The following ACSS3 variants were observed in gnomAD, a reference collection of about 807,000 sequenced individuals.
ACSS3 encodes the protein acyl-CoA synthetase short chain family member 3.
In ACSS3, 64 loss-of-function variants were observed where a neutral mutation model predicts 84.2. The observed-to-expected ratio is 0.76, with a 90% CI of 0.62 to 0.94. The LOEUF is 0.94. Ranked by LOEUF, ACSS3 falls within the 40% of genes least tolerant of loss-of-function variation. The probability of loss-of-function intolerance (pLI) is 0.00; values close to 1 mark genes in which losing one functional copy is unlikely to be tolerated. For missense variants in ACSS3, 815 were observed against 867.6 expected (o/e 0.94, Z 0.76); for synonymous variants, 317 against 310.1 (o/e 1.02, Z -0.23).
chr12:81,186,286 G>C (rs569853207), intron 8 of ACSS3, among the ~76,000 whole-genome samples: 53 of 151,774 alleles, frequency 3.5e-4, no homozygotes, highest in African/African-American at 1.2e-3. Context: ...AATGTTTCTG[G>C]CTGTTGGACT....
At chr12:81,091,067 A>G (rs755312406) in intron 1 of ACSS3, among the ~76,000 whole-genome samples, 1 of 152,036 alleles carries the variant, frequency 6.6e-6, no homozygotes, top group Non-Finnish European at 1.5e-5. Context: ...GTTATTTAAA[A>G]TTAATTTTTC....
rs1284491083 is a variant in ACSS3 at position 81,258,370 on chromosome 12, C to T, written c.*3448C>T. On this transcript the variant is annotated 3_prime_UTR_variant, in exon 16 of 16. Coordinates refer to ENST00000548058, the MANE Select transcript of ACSS3 (RefSeq NM_024560.4). ...TAGACATCAAAACAAATGTAATGTA[C>T]GTGCAAACATAGCAAATTAAAATAC... The T allele has an allele frequency of 6.6e-6, 1 of 151,966 alleles. No homozygotes were observed. Among genetic ancestry groups the T allele is most frequent in the African/African-American group, 2.4e-5 (1 of 41,380 alleles). 9.4% of individuals were successfully genotyped at this position (151,966 alleles called of 1,614,324 possible).
intron 1 of ACSS3, among the ~76,000 whole-genome samples, chr12:81,108,712 T>G (rs1167489198): frequency 6.6e-6 from 1 of 152,224 alleles, no homozygotes; most frequent in African/African-American, 2.4e-5. Context: ...TTTTATTTAC[T>G]TCAATATATT....
Position 81,151,872 on chromosome 12 carries a change from C to T in ACSS3, c.950C>T (p.Ala317Val), listed in dbSNP as rs777672507. The T allele has an allele frequency of 6.2e-7, 1 of 1,613,808 alleles. No individual in the cohort carries two copies. The highest frequency in any genetic ancestry group is 1.1e-5 in the South Asian group (1 of 91,010). ...GTGATTAGGCCCACTGGGGGATACG[C>T]TGTCATGCTACACTGGTCAATGTCT... Reference protein sequence around the residue: ...KGVIRPTGGYAVMLHWSMSSI... With the variant: ...KGVIRPTGGYVVMLHWSMSSI... Residue 317 changes from alanine to valine, a missense_variant, in exon 6 of 16, where the codon GCT becomes GTT. By Grantham distance (64) the Ala-to-Val change is moderately conservative. Transcript: ENST00000548058.
intron 7 of ACSS3, among the ~76,000 whole-genome samples, chr12:81,159,965 A>G (rs899995470): frequency 2.6e-5 from 4 of 152,214 alleles, no homozygotes; most frequent in Non-Finnish European, 4.4e-5. Context: ...CTGTCTACCA[A>G]TGTGCAAAAG....
rs146038761 is a variant in ACSS3 at position 81,104,332 on chromosome 12, A to G, written c.312-5228A>G. Among the ~76,000 whole-genome samples, 637 of 152,302 alleles carry G rather than the reference A, an allele frequency of 4.2e-3. 7 individuals are homozygous for G. Among genetic ancestry groups the G allele is most frequent in the African/African-American group, 0.015 (620 of 41,568 alleles). ...CTGTGACTACAGAACCAAGAAAGGG[A>G]CAGCATGGCAAGACAGAAAACTTTT... On this transcript the variant is annotated intron_variant, in intron 1 of 15. Coordinates refer to ENST00000548058, the MANE Select transcript of ACSS3 (RefSeq NM_024560.4).
chr12:81,244,124 G>A (rs570402271), intron 13 of ACSS3, among the ~76,000 whole-genome samples: 32 of 152,030 alleles, frequency 2.1e-4, no homozygotes, highest in Admixed American at 2.0e-3. Flanking sequence ...CTGGAATTCT[G>A]TAATTCTAGA....
At chr12:81,141,964 A>C (rs1886115299) in intron 4 of ACSS3, among the ~76,000 whole-genome samples, 1 of 152,222 alleles carries the variant, frequency 6.6e-6, no homozygotes, top group South Asian at 2.1e-4. Context: ...TTATTCATAC[A>C]GGTATCATAT....
At chr12:81,093,090 T>G (rs1881775189) in intron 1 of ACSS3, among the ~76,000 whole-genome samples, 1 of 152,122 alleles carries the variant, frequency 6.6e-6, no homozygotes, top group South Asian at 2.1e-4. Context: ...GGGAGAGGTT[T>G]TATAAATGCA....
At chr12:81,150,040 A>G (rs1188156156) in intron 5 of ACSS3, among the ~76,000 whole-genome samples, 1 of 152,126 alleles carries the variant, frequency 6.6e-6, no homozygotes, top group Admixed American at 6.5e-5. Flanking sequence ...TTGTCAACTT[A>G]TCCTTTACAT....
chr12:81,159,727 T>A (rs1452131670), intron 7 of ACSS3, among the ~76,000 whole-genome samples: 1 of 152,330 alleles, frequency 6.6e-6, no homozygotes, highest in East Asian at 1.9e-4. Flanking sequence ...AGCAATCTTT[T>A]CACATAGGAA....
At chr12:81,145,523 A>G (rs1050783039) in intron 5 of ACSS3, among the ~76,000 whole-genome samples, 3 of 152,182 alleles carry the variant, frequency 2.0e-5, no homozygotes, top group African/African-American at 4.8e-5. Flanking sequence ...TTAGTTGGGA[A>G]GATAGGTGAC....
At chr12:81,148,467 T>C (rs1334484629) in intron 5 of ACSS3, among the ~76,000 whole-genome samples, 2 of 152,182 alleles carry the variant, frequency 1.3e-5, no homozygotes, top group South Asian at 2.1e-4. Context: ...CACCCTTTAC[T>C]TTTACTTGCA....
At chr12:81,242,720 A>G (rs2033850754) in intron 13 of ACSS3, among the ~76,000 whole-genome samples, 1 of 129,364 alleles carries the variant, frequency 7.7e-6, no homozygotes, top group Admixed American at 7.9e-5. Context: ...AAATCAATAA[A>G]TGTAATCCAG....
chr12:81,135,680 A>C (rs1406398468), intron 3 of ACSS3, among the ~76,000 whole-genome samples: 1 of 151,856 alleles, frequency 6.6e-6, no homozygotes. Context: ...CTGGAAACCC[A>C]GAACGGGGAT....
chr12:81,218,924 A>C (rs2033013216), intron 10 of ACSS3, among the ~76,000 whole-genome samples: 1 of 152,090 alleles, frequency 6.6e-6, no homozygotes, highest in African/African-American at 2.4e-5. Context: ...ATGTAATATT[A>C]AATAGTATAA....
At chr12:81,165,829 A>C (rs1030395179) in intron 7 of ACSS3, among the ~76,000 whole-genome samples, 11 of 152,196 alleles carry the variant, frequency 7.2e-5, no homozygotes, top group African/African-American at 2.4e-4. Flanking sequence ...CTAGGTTTTT[A>C]AGGGATGTTT....
At chr12:81,246,464 G>A (rs551869970) in intron 13 of ACSS3, among the ~76,000 whole-genome samples, 9 of 152,108 alleles carry the variant, frequency 5.9e-5, no homozygotes, top group East Asian at 1.9e-4. Flanking sequence ...TTTAGTCCTC[G>A]GGCCAGATTA....
chr12:81,112,555 C>T (rs1258188717), intron 2 of ACSS3, among the ~76,000 whole-genome samples: 1 of 152,280 alleles, frequency 6.6e-6, no homozygotes, highest in East Asian at 1.9e-4. Flanking sequence ...GTTAAAAGGA[C>T]TGTTTCTCTC....
Sources: allele counts gnomAD v4.1 joint callset (sites outside exome capture counted in the v4.1 genomes callset), GRCh38; gene constraint gnomAD v4.1.1; transcripts MANE v1.5; gene names NCBI Gene and HGNC (gene_info 2026-07-23, HGNC 2026-07-21).